Variants in PRKAR2B observed in about 807,000 individuals in gnomAD.
PRKAR2B encodes the protein cAMP-dependent protein kinase type II-beta regulatory subunit.
Under a neutral mutation model 49.9 loss-of-function variants are expected in PRKAR2B, and 14 were observed. The ratio of observed to expected loss-of-function variants is 0.28; its 90% CI spans 0.19 to 0.44. The LOEUF (loss-of-function observed/expected upper bound fraction) is 0.44. Among genes scored for constraint, PRKAR2B ranks in the 20% least tolerant of loss-of-function variants. The pLI is 1.00. For missense variants in PRKAR2B, 393 were observed against 537.9 expected (o/e 0.73, Z 2.67); for synonymous variants, 196 against 197.7 (o/e 0.99, Z 0.07).
At chr7:107,156,925 A>C in intron 8 of PRKAR2B, 59 bp from the exon 9 acceptor site, 1 of 1,428,848 alleles carries the variant, frequency 7.0e-7, no homozygotes, top group South Asian at 1.2e-5. Context: ...GAAAGGTAAC[A>C]AGATTGTTGT....
At chr7:107,090,502 A>G (rs1794716927) in intron 2 of PRKAR2B, among the ~76,000 whole-genome samples, 1 of 152,190 alleles carries the variant, frequency 6.6e-6, no homozygotes, top group African/African-American at 2.4e-5. Flanking sequence ...CCTGGAGCTA[A>G]TTTTGACTGA....
chr7:107,077,258 C>G (rs980566359), intron 2 of PRKAR2B: 7 of 152,170 alleles, frequency 4.6e-5, no homozygotes, highest in African/African-American at 1.7e-4. Flanking sequence ...CAAACATTTA[C>G]CGAGTCCCTC....
chr7:107,046,326 G>T (rs1004610321), intron 1 of PRKAR2B, among the ~76,000 whole-genome samples: 5 of 152,176 alleles, frequency 3.3e-5, no homozygotes, highest in Non-Finnish European at 7.3e-5. Flanking sequence ...ACTGCTTGTG[G>T]TTTGTGTGTC....
intron 2 of PRKAR2B, chr7:107,077,330 C>T (rs945263096): frequency 6.6e-6 from 1 of 152,092 alleles, no homozygotes; most frequent in Non-Finnish European, 1.5e-5. Context: ...TTACGAAGTG[C>T]GCAGTCTAGC....
intron 2 of PRKAR2B, among the ~76,000 whole-genome samples, chr7:107,103,865 C>G (rs554163178): frequency 6.6e-6 from 1 of 152,184 alleles, no homozygotes; most frequent in Non-Finnish European, 1.5e-5. Context: ...ATAAAGATTG[C>G]TGGATCAATC....
rs112692308 is a variant in PRKAR2B at position 107,062,164 on chromosome 7, C to T, written c.308-8117C>T. ...TCACCCACCTATGACCAAGCAATCC[C>T]ACTCCTAGGTATTTAAGAGAAATAA... On this transcript the variant is annotated intron_variant, in intron 1 of 10. Transcript: ENST00000265717. Among the ~76,000 whole-genome samples the T allele has an allele frequency of 2.3e-3, 347 of 152,192 alleles. 2 individuals are homozygous for T. Among genetic ancestry groups the T allele is most frequent in the African/African-American group, 7.9e-3 (330 of 41,528 alleles).
intron 1 of PRKAR2B, among the ~76,000 whole-genome samples, chr7:107,065,578 G>A (rs1030315511): frequency 8.5e-5 from 13 of 152,118 alleles, no homozygotes; most frequent in Non-Finnish European, 1.5e-5. Context: ...CAGGGTGTAA[G>A]TCTTTGAAGC....
chr7:107,123,368 A>G (rs1776846336), intron 3 of PRKAR2B, among the ~76,000 whole-genome samples: 1 of 152,308 alleles, frequency 6.6e-6, no homozygotes, highest in African/African-American at 2.4e-5. Context: ...AGGCTATACC[A>G]GTTAAGATTC....
At chr7:107,088,371 C>T (rs974416502) in intron 2 of PRKAR2B, among the ~76,000 whole-genome samples, 4 of 151,990 alleles carry the variant, frequency 2.6e-5, no homozygotes, top group African/African-American at 9.7e-5. Flanking sequence ...GACATTTCAG[C>T]CAAGGCCTGG....
At chr7:107,144,986 G>T (rs1458688331) in intron 5 of PRKAR2B, among the ~76,000 whole-genome samples, 1 of 151,810 alleles carries the variant, frequency 6.6e-6, no homozygotes, top group Admixed American at 6.6e-5. Context: ...GTGAATATAG[G>T]GTCTGGGTAA....
intron 3 of PRKAR2B, among the ~76,000 whole-genome samples, chr7:107,124,043 A>G (rs1795437762): frequency 1.3e-5 from 2 of 152,212 alleles, no homozygotes; most frequent in Admixed American, 1.3e-4. Context: ...AATGTATACT[A>G]TATTGTGATA....
At chr7:107,048,057 C>T (rs1793732254) in intron 1 of PRKAR2B, among the ~76,000 whole-genome samples, 1 of 151,796 alleles carries the variant, frequency 6.6e-6, no homozygotes, top group Non-Finnish European at 1.5e-5. Context: ...ACGATAAGGC[C>T]ATCACTTGCC....
chr7:107,060,195 A>T (rs1793999556), intron 1 of PRKAR2B, among the ~76,000 whole-genome samples: 1 of 152,198 alleles, frequency 6.6e-6, no homozygotes, highest in Admixed American at 6.5e-5. Context: ...TTTTGAGAGT[A>T]TATAGAGATT....
chr7:107,087,568 G>T (rs915495593), intron 2 of PRKAR2B, among the ~76,000 whole-genome samples: 1 of 152,144 alleles, frequency 6.6e-6, no homozygotes, highest in African/African-American at 2.4e-5. Context: ...TTACCAGTAA[G>T]GAAACTGATC....
At chr7:107,138,660 ATCTCAG>A (rs1375470339) in intron 4 of PRKAR2B, among the ~76,000 whole-genome samples, 2 of 147,418 alleles carry the variant, frequency 1.4e-5, no homozygotes, top group African/African-American at 5.1e-5. Context: ...CAATCCTCCA[ATCTCAG>A]CCTCTCCTGA....
chr7:107,151,499 C>T (rs894520363), intron 7 of PRKAR2B, among the ~76,000 whole-genome samples: 3 of 152,202 alleles, frequency 2.0e-5, no homozygotes, highest in Non-Finnish European at 2.9e-5. Context: ...GTGAACATGT[C>T]GAATCCCATG....
intron 4 of PRKAR2B, among the ~76,000 whole-genome samples, chr7:107,137,327 C>T (rs918706925): frequency 3.9e-5 from 6 of 152,206 alleles, no homozygotes; most frequent in Non-Finnish European, 7.3e-5. Context: ...CAGGTTTTCA[C>T]ATTTCTTGAT....
At chr7:107,074,373 G>A (rs1794350618) in intron 2 of PRKAR2B, among the ~76,000 whole-genome samples, 1 of 151,988 alleles carries the variant, frequency 6.6e-6, no homozygotes, top group Non-Finnish European at 1.5e-5. Flanking sequence ...CAAAGTGCTG[G>A]GATTATAGGT....
intron 1 of PRKAR2B, among the ~76,000 whole-genome samples, chr7:107,047,936 A>C (rs1793730262): frequency 6.6e-6 from 1 of 152,250 alleles, no homozygotes. Context: ...AAACATTAAC[A>C]GATAGTGATA....
Sources: gnomAD v4.1 joint callset for allele counts (sites outside exome capture counted in the v4.1 genomes callset) on GRCh38, gnomAD v4.1.1 for gene constraint, MANE v1.5 for transcripts, NCBI Gene and HGNC (gene_info 2026-07-23, HGNC 2026-07-21) for gene names.